TBC1D32: variants seen among roughly 807,000 people sequenced by gnomAD.
TBC1D32 encodes TBC1 domain family member 32.
In TBC1D32, 151 loss-of-function variants were observed where a neutral mutation model predicts 170.3. That is an observed-to-expected ratio of 0.89 (90% CI 0.78 to 1.01). The LOEUF is 1.01. TBC1D32 is among the 50% of genes least tolerant of loss of function. The pLI, the probability that TBC1D32 is intolerant of heterozygous loss-of-function variation, is 0.00. For missense variants in TBC1D32, 1,464 were observed against 1,457.1 expected, an observed-to-expected ratio of 1.00 and a Z score of -0.08; for synonymous variants, 498 against 488.0, an observed-to-expected ratio of 1.02 and a Z score of -0.27.
chr6:121,205,104 G>T lies in TBC1D32; in HGVS notation c.2541C>A (p.Asn847Lys). ...GACCAAAGATATGTGATTGTTCATA[G>T]TTGAATAAAGAACGAATCTTAGCTT... The part of the protein sequence containing the change: ...NSEAKIRSLF[N>K]YEQSHIFGLR... Residue 847 changes from asparagine (N) to lysine (K), a missense_variant, in exon 22 of 32, where the codon AAC (asparagine) becomes AAA (lysine). By Grantham distance (94) the Asn-to-Lys change is moderately conservative (BLOSUM62 0). This residue lies in a region of TBC1D32 where 1,363 missense variants were observed against 1,338.1 expected (regional missense o/e 1.02). Coordinates refer to ENST00000398212, the MANE Select transcript of TBC1D32 (RefSeq NM_152730.6). 6.5e-7 allele frequency: 1 copy of T among 1,530,996 alleles called. No homozygotes were observed. The highest frequency in any genetic ancestry group is 8.9e-7 in the Non-Finnish European group (1 of 1,129,400). The allele number at this position is 1,530,996 out of a possible 1,614,324, so 94.8% of individuals were successfully genotyped here.
At chr6:121,096,022 G>C (rs539875693) in intron 30 of TBC1D32, 1 of 152,218 alleles carries the variant, frequency 6.6e-6, no homozygotes, top group South Asian at 2.1e-4. Context: ...GCTCCTCTTT[G>C]TACCTCTGGG....
At chr6:121,257,061 T>C (rs1485819087) in intron 15 of TBC1D32, among the ~76,000 whole-genome samples, 1 of 152,200 alleles carries the variant, frequency 6.6e-6, no homozygotes, top group Admixed American at 6.5e-5. Context: ...TAGATTGTTG[T>C]AGTTACAGGT....
At chr6:121,300,985 A>G (rs563125573) in intron 9 of TBC1D32, among the ~76,000 whole-genome samples, 206 of 152,356 alleles carry the variant, frequency 1.4e-3, no homozygotes, top group Non-Finnish European at 1.7e-3. Context: ...CAAAACCACA[A>G]TGAGATACCA....
At position 121,080,320 on chromosome 6, in the gene TBC1D32, C is replaced by T. The variant is rs780597093; in HGVS notation, c.*451G>A. ...GCAACCTCCGCCTCCCGGGTTCAAG[C>T]GATTCTCCTGCCTCAGCCTCCCAAG... On this transcript the variant is annotated 3_prime_UTR_variant, in exon 32 of 32. Transcript: ENST00000398212. 1.4e-5 allele frequency: 4 copies of T among 295,600 alleles called. No homozygotes were observed. Among genetic ancestry groups the T allele is most frequent in the East Asian group, 1.3e-4 (1 of 7,532 alleles). 18.3% of individuals were successfully genotyped at this position (295,600 alleles called of 1,614,324 possible).
At chr6:121,269,791 C>A (rs957905522) in intron 15 of TBC1D32, among the ~76,000 whole-genome samples, 1 of 152,142 alleles carries the variant, frequency 6.6e-6, no homozygotes. Flanking sequence ...CTCTCCACCC[C>A]AAATCAACAG....
intron 10 of TBC1D32, among the ~76,000 whole-genome samples, chr6:121,298,296 T>A (rs1331440115): frequency 1.3e-5 from 2 of 152,100 alleles, no homozygotes; most frequent in African/African-American, 2.4e-5. Flanking sequence ...AGATGATTTA[T>A]AATGACATAA....
chr6:121,301,427 T>C (rs1806460516), intron 9 of TBC1D32, among the ~76,000 whole-genome samples: 1 of 152,102 alleles, frequency 6.6e-6, no homozygotes, highest in Non-Finnish European at 1.5e-5. Context: ...CTCAGCAAAC[T>C]TTCAGAAGAA....
chr6:121,124,452 G>A (rs1433453854), intron 26 of TBC1D32, among the ~76,000 whole-genome samples: 2 of 151,906 alleles, frequency 1.3e-5, no homozygotes, highest in Admixed American at 1.3e-4. Context: ...CTGTTTTCAG[G>A]ATCTTCTCTT....
intron 24 of TBC1D32, among the ~76,000 whole-genome samples, chr6:121,138,593 A>C (rs757922960): frequency 1.3e-5 from 2 of 152,234 alleles, no homozygotes; most frequent in Non-Finnish European, 2.9e-5. Flanking sequence ...GTTGATGTCA[A>C]ATAAAAGTCA....
chr6:121,327,236 C>T (rs12527618), intron 1 of TBC1D32, among the ~76,000 whole-genome samples: 17,400 of 152,096 alleles, frequency 0.11, 1,415 homozygotes, highest in Admixed American at 0.23. Context: ...ACGCAATATA[C>T]CCATGTAACA....
chr6:121,084,536 C>T (rs780763128), intron 31 of TBC1D32, among the ~76,000 whole-genome samples: 1 of 152,018 alleles, frequency 6.6e-6, no homozygotes, highest in Non-Finnish European at 1.5e-5. Flanking sequence ...AACCCCTTGC[C>T]AGGAATATAA....
intron 2 of TBC1D32, among the ~76,000 whole-genome samples, chr6:121,321,358 A>G (rs1809670336): frequency 1.3e-5 from 2 of 152,286 alleles, no homozygotes; most frequent in South Asian, 2.1e-4. Flanking sequence ...CTAGAGCAGT[A>G]TGAGGGAGAA....
chr6:121,298,516 T>A (rs1805989699), intron 10 of TBC1D32, among the ~76,000 whole-genome samples: 1 of 152,064 alleles, frequency 6.6e-6, no homozygotes, highest in African/African-American at 2.4e-5. Context: ...CAGTCTATGC[T>A]CATAAAGCAA....
intron 24 of TBC1D32, among the ~76,000 whole-genome samples, chr6:121,142,088 C>A (rs1782860888): frequency 6.6e-6 from 1 of 152,252 alleles, no homozygotes; most frequent in Non-Finnish European, 1.5e-5. Context: ...GTCATTAAAT[C>A]TGTACTAAAT....
chr6:121,279,317 C>A, intron 14 of TBC1D32, 72 bp from the exon 15 acceptor site: 26 of 1,512,012 alleles, frequency 1.7e-5, no homozygotes, highest in Non-Finnish European at 2.3e-5. Context: ...GACTAAAATC[C>A]GAGGATTGTA....
chr6:121,146,792 GT>G (rs1258538182), intron 24 of TBC1D32, among the ~76,000 whole-genome samples: 1 of 152,092 alleles, frequency 6.6e-6, no homozygotes, highest in Non-Finnish European at 1.5e-5. Context: ...ACTCAAAAGT[GT>G]TCATTTAACC....
At chr6:121,221,976 GA>G (rs1562962575) in intron 21 of TBC1D32, among the ~76,000 whole-genome samples, 3 of 152,144 alleles carry the variant, frequency 2.0e-5, no homozygotes, top group African/African-American at 7.2e-5. Flanking sequence ...AATATTTCAC[GA>G]AAGGTGTCAA....
At chr6:121,170,474 T>G in intron 22 of TBC1D32, 2 of 1,608,336 alleles carry the variant, frequency 1.2e-6, no homozygotes, top group South Asian at 1.1e-5. Context: ...TACCTGATAC[T>G]GAGCCTCTAA....
chr6:121,118,233 A>G (rs1006955867), intron 26 of TBC1D32, among the ~76,000 whole-genome samples: 1 of 152,180 alleles, frequency 6.6e-6, no homozygotes, highest in Non-Finnish European at 1.5e-5. Context: ...AAAATCAAGT[A>G]ACACATAGAA....
Sources: gnomAD v4.1 joint callset for allele counts (sites outside exome capture counted in the v4.1 genomes callset) on GRCh38, gnomAD v4.1.1 for gene constraint, gnomAD v4.1.1 regional missense constraint, MANE v1.5 for transcripts, NCBI Gene and HGNC (gene_info 2026-07-23, HGNC 2026-07-21) for gene names.